Variants in ZNF143 observed in about 807,000 individuals in gnomAD.
ZNF143 encodes zinc finger protein 143.
In ZNF143, 49 loss-of-function variants were observed where a neutral mutation model predicts 74.1. That is an observed-to-expected ratio of 0.66 (90% CI 0.53 to 0.84). The LOEUF (loss-of-function observed/expected upper bound fraction) is 0.84. Among genes scored for constraint, ZNF143 ranks in the 40% least tolerant of loss-of-function variants. The pLI is 0.00. For synonymous variants in ZNF143, 304 were observed against 282.8 expected (o/e 1.07, Z -0.75); for missense variants, 637 against 793.4 (o/e 0.80, Z 2.37).
Position 9,527,709 on chromosome 11 carries a change from C to A in ZNF143, c.*96C>A. On this transcript the variant is annotated 3_prime_UTR_variant, in exon 16 of 16. Transcript: ENST00000396602. ...GGGCCCAGGAAAATTAGAAGTTTTC[C>A]ATTCCTGATACACTGTACACATTTT... 9.0e-7 allele frequency: 1 copy of A among 1,112,944 alleles called. No individual in the cohort carries two copies. The highest frequency in any genetic ancestry group is 1.3e-6 in the Non-Finnish European group (1 of 746,612). 68.9% of individuals were successfully genotyped at this position (1,112,944 alleles called of 1,614,324 possible).
intron 1 of ZNF143, among the ~76,000 whole-genome samples, chr11:9,470,763 C>A (rs911235934): frequency 1.4e-4 from 21 of 151,990 alleles, no homozygotes; most frequent in African/African-American, 5.1e-4. Context: ...CTAACTTTTC[C>A]CTTCAAAGGA....
At chr11:9,499,417 G>T (rs907539676) in intron 10 of ZNF143, among the ~76,000 whole-genome samples, 1 of 152,104 alleles carries the variant, frequency 6.6e-6, no homozygotes, top group Non-Finnish European at 1.5e-5. Flanking sequence ...CTGACATAAT[G>T]AATAAAACTT....
intron 14 of ZNF143, among the ~76,000 whole-genome samples, chr11:9,517,017 C>G (rs1270281075): frequency 6.6e-6 from 1 of 152,168 alleles, no homozygotes; most frequent in East Asian, 1.9e-4. Context: ...CAGGCTCAAA[C>G]AATCCTCCCA....
rs768970571 is a variant in ZNF143, at chr11:9,478,472, G to T, written c.456G>T (p.Pro152=). ...ATATCCACCATGCAGTGCAAGTCCC[G>T]CAGTCTGACACCATCTTGGCAATTC... is the stretch of plus-strand genomic sequence containing the variant. ...TAYIHHAVQV[P]QSDTILAIQA... Residue 152 remains proline (P), a synonymous_variant, in exon 6 of 16, where the codon CCG becomes CCT. Coordinates refer to ENST00000396602, the MANE Select transcript of ZNF143 (RefSeq NM_003442.6). The T allele has an allele frequency of 6.2e-7, 1 of 1,614,188 alleles. No individual in the cohort carries two copies. Among genetic ancestry groups the T allele is most frequent in the Admixed American group, 1.7e-5 (1 of 60,018 alleles).
intron 7 of ZNF143, among the ~76,000 whole-genome samples, chr11:9,486,800 C>T (rs1590559290): frequency 6.7e-6 from 1 of 149,664 alleles, no homozygotes; most frequent in East Asian, 1.9e-4. Context: ...TCCCGAGTAG[C>T]TGGGACTACA....
intron 7 of ZNF143, among the ~76,000 whole-genome samples, chr11:9,488,549 A>G (rs895152891): frequency 2.0e-5 from 3 of 152,144 alleles, no homozygotes; most frequent in African/African-American, 7.2e-5. Context: ...TCAGTCTTCA[A>G]ATTTCACCCC....
At chr11:9,511,529 C>T (rs1589935721) in intron 12 of ZNF143, among the ~76,000 whole-genome samples, 2 of 150,942 alleles carry the variant, frequency 1.3e-5, no homozygotes, top group East Asian at 3.9e-4. Context: ...GTCTCGATCT[C>T]CTGACCTCAT....
rs1187143862 is a variant in ZNF143, at chr11:9,494,745, A to G, written c.745A>G (p.Thr249Ala). 2 of 1,610,626 alleles carry G rather than the reference A, an allele frequency of 1.2e-6. No homozygotes were observed. The highest frequency in any genetic ancestry group is 1.3e-5 in the African/African-American group (1 of 74,888). The change falls in exon 8 of 16, where the codon ACA (threonine) becomes GCA (alanine). Residue 249 changes from threonine to alanine, a missense_variant. Thr to Ala is a moderately conservative substitution (Grantham distance 58, BLOSUM62 0). Transcript: ENST00000396602. The stretch of plus-strand genomic sequence containing the variant: ...ATATGATGGATGTGGAAAATTATAT[A>G]CAACAGCTCATCATCTCAAGGTATA... ...CEYDGCGKLY[T>A]TAHHLKVHER...
intron 8 of ZNF143, among the ~76,000 whole-genome samples, chr11:9,495,121 C>G (rs1334930181): frequency 1.3e-5 from 2 of 152,122 alleles, no homozygotes; most frequent in Non-Finnish European, 2.9e-5. Flanking sequence ...TGAAATCTAG[C>G]AAAAGTTGGT....
At chr11:9,464,086 T>TGTGTG (rs1565016580) in intron 1 of ZNF143, among the ~76,000 whole-genome samples, 49 of 124,126 alleles carry the variant, frequency 3.9e-4, no homozygotes, top group Admixed American at 6.4e-4. Flanking sequence ...GTGTGTGTGT[T>TGTGTG]TGTGTGTGTG....
intron 13 of ZNF143, among the ~76,000 whole-genome samples, chr11:9,515,997 T>G (rs1437987160): frequency 6.6e-6 from 1 of 151,572 alleles, no homozygotes; most frequent in Non-Finnish European, 1.5e-5. Flanking sequence ...AAAATAATAA[T>G]AATAAAAAAA....
At chr11:9,482,886 A>G (rs1847303617) in intron 7 of ZNF143, among the ~76,000 whole-genome samples, 1 of 151,602 alleles carries the variant, frequency 6.6e-6, no homozygotes. Context: ...CGTTGAAATG[A>G]TATTTTGGAC....
chr11:9,478,276 G>A, intron 5 of ZNF143, 114 bp from the exon 6 acceptor site: 1 of 1,040,630 alleles, frequency 9.6e-7, no homozygotes, highest in Non-Finnish European at 1.4e-6. Flanking sequence ...CAAGTGCGTG[G>A]TCCAGTACTC....
At chr11:9,518,295 C>T (rs1002951833) in intron 14 of ZNF143, among the ~76,000 whole-genome samples, 1 of 152,156 alleles carries the variant, frequency 6.6e-6, no homozygotes. Context: ...GGTGAGGAAA[C>T]AACCACCACC....
At chr11:9,470,311 A>C (rs1449248179) in intron 1 of ZNF143, among the ~76,000 whole-genome samples, 1 of 152,232 alleles carries the variant, frequency 6.6e-6, no homozygotes, top group East Asian at 1.9e-4. Flanking sequence ...GTCTCTGTCC[A>C]TTCTCATGGA....
At chr11:9,496,656 G>A (rs542330094) in intron 9 of ZNF143, among the ~76,000 whole-genome samples, 48 of 151,606 alleles carry the variant, frequency 3.2e-4, no homozygotes, top group African/African-American at 1.0e-3. Flanking sequence ...GGGTGCAGTG[G>A]CAGGATCTTG....
intron 7 of ZNF143, among the ~76,000 whole-genome samples, chr11:9,488,709 G>A (rs928129361): frequency 1.3e-5 from 2 of 152,024 alleles, no homozygotes; most frequent in Non-Finnish European, 2.9e-5. Flanking sequence ...GCCCTACAAA[G>A]GCAGGAACAG....
intron 5 of ZNF143, among the ~76,000 whole-genome samples, chr11:9,477,816 GTTTGTT>G (rs1398790541): frequency 1.3e-5 from 2 of 151,900 alleles, no homozygotes; most frequent in African/African-American, 4.8e-5. Context: ...TTTTTTCTTT[GTTTGTT>G]TTTGTTTTTG....
intron 14 of ZNF143, among the ~76,000 whole-genome samples, chr11:9,520,068 C>G (rs1014462677): frequency 7.3e-5 from 10 of 136,248 alleles, no homozygotes; most frequent in Non-Finnish European, 1.4e-4. Context: ...ACGGAATCTC[C>G]CTCTGTCGCC....
Sources: gnomAD v4.1 joint callset for allele counts (sites outside exome capture counted in the v4.1 genomes callset) on GRCh38, gnomAD v4.1.1 for gene constraint, MANE v1.5 for transcripts, NCBI Gene and HGNC (gene_info 2026-07-23, HGNC 2026-07-21) for gene names.